The following ANOS1 variants were observed in gnomAD, a reference collection of about 807,000 sequenced individuals.
ANOS1 encodes anosmin 1.
ANOS1 carries 6 observed loss-of-function variants against 59.0 expected under a neutral mutation model. The observed-to-expected ratio is 0.10, with a 90% confidence interval of 0.06 to 0.20. The LOEUF (loss-of-function observed/expected upper bound fraction) is 0.20. Ranked by LOEUF, ANOS1 falls within the 10% of genes least tolerant of loss-of-function variation. The pLI is 1.00. For missense variants in ANOS1, 433 were observed against 542.3 expected (o/e 0.80, Z 2.00); for synonymous variants, 217 against 223.4 (o/e 0.97, Z 0.25).
At chrX:8,541,433 C>CAAAAAAAAAAAA (rs1329692666) in intron 9 of ANOS1, among the ~76,000 whole-genome samples, 3 of 82,271 alleles carry the variant, frequency 3.6e-5, no homozygotes, top group Non-Finnish European at 4.9e-5. Flanking sequence ...AACAAAAAAA[C>CAAAAAAAAAAAA]AAAAAAATAA....
At chrX:8,565,914 G>A (rs1466001946) in intron 8 of ANOS1, 2 of 612,991 alleles carry the variant, frequency 3.3e-6, no homozygotes, top group Non-Finnish European at 3.9e-6. Flanking sequence ...AGGGTGGGAG[G>A]GCAGGGAGTC....
At chrX:8,544,290 A>G (rs1373985571) in intron 9 of ANOS1, among the ~76,000 whole-genome samples, 2 of 96,507 alleles carry the variant, frequency 2.1e-5, no homozygotes, top group African/African-American at 7.9e-5. Flanking sequence ...AGCACTAGGG[A>G]AGGGGGCACA....
chrX:8,636,096 T>A (rs1931569001), intron 2 of ANOS1, among the ~76,000 whole-genome samples: 1 of 112,148 alleles, frequency 8.9e-6, no homozygotes, highest in Admixed American at 9.5e-5. Flanking sequence ...ACAAGTTGAA[T>A]GGAGATTAGG....
At chrX:8,619,438 T>C (rs1477913003) in intron 3 of ANOS1, among the ~76,000 whole-genome samples, 2 of 110,701 alleles carry the variant, frequency 1.8e-5, no homozygotes, top group Non-Finnish European at 3.8e-5. Context: ...ACCCCGTCTC[T>C]ACTAAAAATA....
At chrX:8,617,773 T>G (rs954858954) in intron 3 of ANOS1, among the ~76,000 whole-genome samples, 1 of 109,795 alleles carries the variant, frequency 9.1e-6, no homozygotes. Flanking sequence ...AGAGTCAGAC[T>G]CTGTCTCAAA....
At chrX:8,694,166 T>C (rs972186819) in intron 2 of ANOS1, among the ~76,000 whole-genome samples, 5 of 112,014 alleles carry the variant, frequency 4.5e-5, no homozygotes, top group African/African-American at 1.3e-4. Flanking sequence ...TAGTAGATGC[T>C]CAGTGAGTAT....
At chrX:8,621,679 A>G (rs1242981889) in intron 3 of ANOS1, among the ~76,000 whole-genome samples, 1 of 112,080 alleles carries the variant, frequency 8.9e-6, no homozygotes, top group Non-Finnish European at 1.9e-5. Flanking sequence ...TCAATAGGAT[A>G]AATCCCTCAT....
At chrX:8,654,326 C>T (rs1212450008) in intron 2 of ANOS1, among the ~76,000 whole-genome samples, 1 of 111,963 alleles carries the variant, frequency 8.9e-6, no homozygotes, top group Non-Finnish European at 1.9e-5. Context: ...CTGTGCTCTG[C>T]TCCAAAGGAA....
Position 8,539,706 on chromosome X carries a change from G to C in ANOS1, c.1407C>G (p.His469Gln), listed in dbSNP as rs1442558849. The change falls in exon 10 of 14, where the codon CAC becomes CAG. Residue 469 changes from histidine (H) to glutamine (Q), a missense_variant. Transcript: ENST00000262648. The part of the protein sequence containing the change: ...HVRWFPEACA[H>Q]NRTTGSEASS... ...ATGCCTCTGATCCGGTTGTTCTGTTGTGGGCACACGCTTCAGGAAACCACC... is the reference window on the plus strand; with the variant it reads ...ATGCCTCTGATCCGGTTGTTCTGTTCTGGGCACACGCTTCAGGAAACCACC... The C allele has an allele frequency of 1.4e-5, 17 of 1,209,461 alleles. No homozygotes were observed. Among genetic ancestry groups the C allele is most frequent in the Non-Finnish European group, 1.9e-5 (17 of 895,210 alleles).
At chrX:8,551,286 C>T (rs913128821) in intron 9 of ANOS1, among the ~76,000 whole-genome samples, 1 of 111,852 alleles carries the variant, frequency 8.9e-6, no homozygotes, top group African/African-American at 3.3e-5. Context: ...ATTTCCTAAC[C>T]AGGACATAGA....
chrX:8,691,499 AGATGGATG>A (rs747847381), intron 2 of ANOS1, among the ~76,000 whole-genome samples: 10 of 110,997 alleles, frequency 9.0e-5, no homozygotes, highest in Non-Finnish European at 1.3e-4. Context: ...AGACAGATTA[AGATGGATG>A]GATGGATGGA....
At chrX:8,614,355 T>C (rs1316578984) in intron 3 of ANOS1, among the ~76,000 whole-genome samples, 1 of 112,198 alleles carries the variant, frequency 8.9e-6, no homozygotes, top group Non-Finnish European at 1.9e-5. Flanking sequence ...GGAAAGACTT[T>C]AAACTTATAG....
At chrX:8,654,067 C>T (rs903230668) in intron 2 of ANOS1, among the ~76,000 whole-genome samples, 1 of 111,806 alleles carries the variant, frequency 8.9e-6, no homozygotes, top group Non-Finnish European at 1.9e-5. Flanking sequence ...TGAATATCAG[C>T]TTGAGCCTCA....
chrX:8,639,889 C>T (rs193145274), intron 2 of ANOS1, among the ~76,000 whole-genome samples: 36 of 110,981 alleles, frequency 3.2e-4, no homozygotes, highest in African/African-American at 1.2e-3. Context: ...AAATCAGTGA[C>T]CCCTCTAGCT....
intron 4 of ANOS1, among the ~76,000 whole-genome samples, chrX:8,595,168 G>A (rs1330619671): frequency 9.0e-6 from 1 of 110,743 alleles, no homozygotes; most frequent in Non-Finnish European, 1.9e-5. Flanking sequence ...TTAAAAAGAC[G>A]ATTCCCAAAG....
intron 3 of ANOS1, among the ~76,000 whole-genome samples, chrX:8,622,567 T>C (rs1053387118): frequency 1.8e-5 from 2 of 111,906 alleles, no homozygotes; most frequent in Non-Finnish European, 3.8e-5. Flanking sequence ...TTCATTCTGA[T>C]GTCGGGGGCA....
At chrX:8,596,540 A>G (rs764541161) in intron 4 of ANOS1, among the ~76,000 whole-genome samples, 1 of 112,225 alleles carries the variant, frequency 8.9e-6, no homozygotes, top group Admixed American at 9.5e-5. Context: ...AGGAAGGGAA[A>G]TCCTTTGTCT....
intron 6 of ANOS1, among the ~76,000 whole-genome samples, chrX:8,572,126 AT>A (rs55680016): frequency 0.53 from 56,458 of 107,255 alleles, 12,216 homozygotes; most frequent in African/African-American, 0.8. Flanking sequence ...TAGTCAAGTC[AT>A]TTTTTTTTTA....
chrX:8,689,665 G>A (rs908559312), intron 2 of ANOS1, among the ~76,000 whole-genome samples: 3 of 109,713 alleles, frequency 2.7e-5, no homozygotes, highest in African/African-American at 1.0e-4. Flanking sequence ...CCGAGATGGT[G>A]CCACTGCACT....
Sources: allele counts gnomAD v4.1 joint callset (sites outside exome capture counted in the v4.1 genomes callset), GRCh38; gene constraint gnomAD v4.1.1; transcripts MANE v1.5; gene names NCBI Gene and HGNC (gene_info 2026-07-23, HGNC 2026-07-21).